Variants in TANK observed in about 807,000 individuals in gnomAD.
TANK encodes the protein TRAF family member-associated NF-kappa-B activator.
In TANK, 15 loss-of-function variants were observed where a neutral mutation model predicts 43.6. The observed-to-expected ratio is 0.34, with a 90% CI of 0.23 to 0.53. TANK has a LOEUF of 0.53. Ranked by LOEUF, TANK falls within the 20% of genes least tolerant of loss-of-function variation. The pLI is 0.94. For missense variants in TANK, 417 were observed against 498.6 expected, an observed-to-expected ratio of 0.84 and a Z score of 1.56; for synonymous variants, 162 against 178.2, an observed-to-expected ratio of 0.91 and a Z score of 0.73.
chr2:161,224,756 A>G lies in TANK; in HGVS notation c.520+10A>G. ...CCAGACACTGCAACTGGTAAGATTTAATTTAATTTACAGTAATATTGATTT... is the reference window on the plus strand; with the variant it reads ...CCAGACACTGCAACTGGTAAGATTTGATTTAATTTACAGTAATATTGATTT... On this transcript the variant is annotated intron_variant, in intron 6 of 7. Transcript: ENST00000392749. The G allele has an allele frequency of 2.1e-6, 3 of 1,429,956 alleles. No individual in the cohort carries two copies. The highest frequency in any genetic ancestry group is 2.9e-6 in the Non-Finnish European group (3 of 1,050,320). The allele number at this position is 1,429,956 out of a possible 1,614,324, so 88.6% of individuals were successfully genotyped here.
chr2:161,224,510 A>T (rs1010652123), intron 5 of TANK, 121 bp from the exon 6 acceptor site: 77 of 468,804 alleles, frequency 1.6e-4, no homozygotes, highest in African/African-American at 1.5e-3. Context: ...ATTTAAAATA[A>T]TTTTTTTTTA....
chr2:161,235,443 A>G lies in TANK; in HGVS notation c.1203A>G (p.Ala401=). The change falls in exon 8 of 8, where the codon GCA becomes GCG. Residue 401 remains alanine (A), a synonymous_variant. Coordinates refer to ENST00000392749, the MANE Select transcript of TANK (RefSeq NM_001199135.3). ...CTCGAGTATGTGAATTCTGTCAAGC[A>G]GTTTTCCCACCATCCATTACATCCA... ...HIPRVCEFCQ[A]VFPPSITSRG... 1 of 1,614,100 alleles carries G rather than the reference A, an allele frequency of 6.2e-7. No individual in the cohort carries two copies. Among genetic ancestry groups the G allele is most frequent in the South Asian group, 1.1e-5 (1 of 91,066 alleles).
intron 2 of TANK, among the ~76,000 whole-genome samples, chr2:161,195,346 A>T (rs1292356337): frequency 6.6e-6 from 1 of 152,184 alleles, no homozygotes; most frequent in East Asian, 1.9e-4. Context: ...TGATCAAAGT[A>T]TCAAGAAGAA....
At chr2:161,194,188 C>T (rs754203393) in intron 2 of TANK, among the ~76,000 whole-genome samples, 4 of 151,920 alleles carry the variant, frequency 2.6e-5, no homozygotes, top group African/African-American at 7.2e-5. Flanking sequence ...TTACCATAAT[C>T]GTAAATGATT....
upstream of TANK, chr2:161,159,175 A>G (rs1218325363): frequency 6.6e-6 from 1 of 152,268 alleles, no homozygotes; most frequent in Non-Finnish European, 1.5e-5. Context: ...CTTATGATCC[A>G]GCAATCATAC....
At chr2:161,141,343 T>C (rs1190043455) in intron 1 of TANK, among the ~76,000 whole-genome samples, 2 of 152,190 alleles carry the variant, frequency 1.3e-5, no homozygotes, top group Non-Finnish European at 2.9e-5. Flanking sequence ...ATTATTTTAC[T>C]TTAAGTTCTG....
chr2:161,228,301 C>T (rs1687732532), intron 6 of TANK, among the ~76,000 whole-genome samples: 1 of 152,118 alleles, frequency 6.6e-6, no homozygotes, highest in African/African-American at 2.4e-5. Flanking sequence ...GGAGGCTGAG[C>T]TGGGCAGATC....
chr2:161,222,870 A>G (rs985607055), intron 4 of TANK: 2 of 152,054 alleles, frequency 1.3e-5, no homozygotes, highest in Admixed American at 1.3e-4. Context: ...TTTAGAAAAA[A>G]CTGGGAAATA....
At chr2:161,161,722 TAGATGTACCAAATTATAGTTAA>T in intron 1 of TANK, 1 of 277,162 alleles carries the variant, frequency 3.6e-6, no homozygotes, top group Non-Finnish European at 7.0e-6. Flanking sequence ...CTGCATTGTG[TAGATGTACCAAATTATAGTTAA>T]CTGTCACTTA....
chr2:161,228,568 A>G lies in TANK; in HGVS notation c.521-2403A>G, dbSNP rs12474524. Among the ~76,000 whole-genome samples, 809 of 152,252 alleles carry G rather than the reference A, an allele frequency of 5.3e-3. 14 individuals are homozygous for G. The highest frequency in any genetic ancestry group is 0.048 in the East Asian group (247 of 5,180). On this transcript the variant is annotated intron_variant, in intron 6 of 7. Coordinates refer to ENST00000392749, the MANE Select transcript of TANK (RefSeq NM_001199135.3). ...AAAAAGTTAATATCACCCTAGTGAC[A>G]TTGTAGGTAGCTGTTGTTACATTGT... is the stretch of plus-strand genomic sequence containing the variant.
chr2:161,206,937 A>G (rs1244938375), intron 4 of TANK, among the ~76,000 whole-genome samples: 1 of 152,104 alleles, frequency 6.6e-6, no homozygotes, highest in African/African-American at 2.4e-5. Flanking sequence ...AGTTTAAAGT[A>G]TGTAGAAGGT....
At chr2:161,143,005 A>G (rs1170124794) in intron 1 of TANK, among the ~76,000 whole-genome samples, 3 of 152,160 alleles carry the variant, frequency 2.0e-5, no homozygotes, top group Non-Finnish European at 2.9e-5. Context: ...TTCCTTGAGC[A>G]GTAGTTTATA....
chr2:161,163,450 G>GTA (rs2105254651), intron 1 of TANK: 1 of 152,232 alleles, frequency 6.6e-6, no homozygotes, highest in East Asian at 1.9e-4. Flanking sequence ...GAAAAATGCT[G>GTA]TAGGTAGGCT....
intron 2 of TANK, among the ~76,000 whole-genome samples, chr2:161,196,065 A>G (rs1218395846): frequency 6.6e-6 from 1 of 152,186 alleles, no homozygotes; most frequent in Non-Finnish European, 1.5e-5. Flanking sequence ...AGTGAGCAAG[A>G]CAGAGCTCCG....
At chr2:161,150,589 CTTTTTTTTTT>C (rs989283972) in intron 1 of TANK, among the ~76,000 whole-genome samples, 6 of 121,472 alleles carry the variant, frequency 4.9e-5, no homozygotes, top group African/African-American at 2.0e-4. Flanking sequence ...TCTTCTTCTT[CTTTTTTTTTT>C]TTTTTTTTTT....
At chr2:161,210,744 A>G (rs1686852407) in intron 4 of TANK, among the ~76,000 whole-genome samples, 1 of 152,064 alleles carries the variant, frequency 6.6e-6, no homozygotes, top group African/African-American at 2.4e-5. Context: ...TATGGCACAG[A>G]TAAAACATTT....
intron 7 of TANK, 26 bp from the exon 8 acceptor site, chr2:161,235,316 C>A: frequency 6.4e-7 from 1 of 1,560,938 alleles, no homozygotes; most frequent in South Asian, 1.2e-5. Flanking sequence ...ACATAAGTAA[C>A]AGATATTTTT....
intron 4 of TANK, chr2:161,211,741 G>T (rs960638002): frequency 2.0e-6 from 2 of 984,786 alleles, no homozygotes; most frequent in African/African-American, 1.7e-5. Flanking sequence ...ATACAGAAAT[G>T]GTGATTATGC....
At chr2:161,185,080 G>A (rs1211804963) in intron 2 of TANK, among the ~76,000 whole-genome samples, 1 of 152,128 alleles carries the variant, frequency 6.6e-6, no homozygotes. Flanking sequence ...GAGACGCATA[G>A]GAAGAGAACT....
Sources: gnomAD v4.1 joint callset for allele counts (sites outside exome capture counted in the v4.1 genomes callset) on GRCh38, gnomAD v4.1.1 for gene constraint, MANE v1.5 for transcripts, NCBI Gene and HGNC (gene_info 2026-07-23, HGNC 2026-07-21) for gene names.